The following ISG20L2 variants were observed in gnomAD, a reference collection of about 807,000 sequenced individuals.
ISG20L2 encodes the protein interferon-stimulated 20 kDa exonuclease-like 2.
A neutral mutation model predicts 27.8 loss-of-function variants in ISG20L2; 14 were observed. That is an observed-to-expected ratio of 0.50 (90% confidence interval 0.33 to 0.79). The LOEUF is 0.79. Among genes scored for constraint, ISG20L2 ranks in the 30% least tolerant of loss-of-function variants. The pLI, the probability that ISG20L2 is intolerant of heterozygous loss-of-function variation, is 0.02. For missense variants in ISG20L2, 393 were observed against 435.1 expected, an observed-to-expected ratio of 0.90 and a Z score of 0.86; for synonymous variants, 157 against 165.7, an observed-to-expected ratio of 0.95 and a Z score of 0.40.
intron 2 of ISG20L2, chr1:156,725,080 T>G (rs1057107233): frequency 3.3e-5 from 5 of 152,150 alleles, no homozygotes; most frequent in African/African-American, 1.2e-4. Context: ...GCCTCCCAAG[T>G]AGCTGGGACT....
In ISG20L2 at chr1:156,723,319, C is replaced by T; in HGVS notation, c.*30G>A. ...TGTTTCTCCTGGGTGCTGCCTCTGC[C>T]TCCTCATATCACCAGCGTCCCCACT... On this transcript the variant is annotated 3_prime_UTR_variant, in exon 4 of 4. Transcript: ENST00000368219. The T allele has an allele frequency of 1.2e-6, 2 of 1,613,698 alleles. No individual in the cohort carries two copies. Among genetic ancestry groups the T allele is most frequent in the South Asian group, 1.1e-5 (1 of 91,062 alleles).
intron 2 of ISG20L2, 102 bp from the exon 3 acceptor site, chr1:156,724,450 A>G (rs1648671023): frequency 7.2e-7 from 1 of 1,391,182 alleles, no homozygotes; most frequent in Non-Finnish European, 9.6e-7. Flanking sequence ...GGATTCTTTC[A>G]CCAACTGCCT....
At chr1:156,728,321 G>T in intron 1 of ISG20L2, 94 bp downstream of exon 1, 2 of 985,728 alleles carry the variant, frequency 2.0e-6, no homozygotes, top group South Asian at 9.4e-5. Context: ...ATCTACCAGC[G>T]CGGGGGTGGG....
In ISG20L2 at chr1:156,727,276, A is replaced by C. The variant is rs1404907168; in HGVS notation, c.377T>G (p.Leu126Arg). The change falls in exon 2 of 4, where the codon CTT becomes CGT. Residue 126 changes from leucine to arginine, a missense_variant. Around this residue, in one of 3 missense-constraint regions of ISG20L2, gnomAD observed 183 missense variants for 168.2 expected, o/e 1.09. Transcript: ENST00000368219. ...GGTTGGGTGGCTATTGATCTTTGGA[A>C]GGGCACTCTGGAACTCCCCCAGCAA... ...VDLLGEFQSALPKINSHPTRS... is the reference protein window; with the variant it reads ...VDLLGEFQSARPKINSHPTRS... The C allele has an allele frequency of 2.5e-6, 4 of 1,613,970 alleles. No individual in the cohort carries two copies. Among genetic ancestry groups the C allele is most frequent in the Non-Finnish European group, 3.4e-6 (4 of 1,180,014 alleles).
Position 156,727,070 on chromosome 1 carries a change from C to A in ISG20L2, c.583G>T (p.Val195Phe). 1 of 1,614,228 alleles carries A rather than the reference C, an allele frequency of 6.2e-7. No homozygotes were observed. Among genetic ancestry groups the A allele is most frequent in the Non-Finnish European group, 8.5e-7 (1 of 1,180,040 alleles). The part of the protein sequence containing the change: ...EMVGTGPKGH[V>F]SSLARCSIVN... Reference sequence around the variant, plus strand: ...ATGCTACATCGAGCCAAGGAACTAACATGCCCCTTTGGTCCTGTGCCCACC... The same window carrying A: ...ATGCTACATCGAGCCAAGGAACTAAAATGCCCCTTTGGTCCTGTGCCCACC... The change falls in exon 2 of 4, where the codon GTT (valine) becomes TTT (phenylalanine). Residue 195 changes from valine to phenylalanine, a missense_variant. By Grantham distance (50) the Val-to-Phe change is conservative. Coordinates refer to ENST00000368219, the MANE Select transcript of ISG20L2 (RefSeq NM_001370150.2).
chr1:156,723,870 C>G, intron 3 of ISG20L2: 1 of 1,289,220 alleles, frequency 7.8e-7, no homozygotes, highest in Non-Finnish European at 9.9e-7. Context: ...GTCCTTGCAT[C>G]CACTACACGG....
At chr1:156,723,661 T>C (rs1002490381) in intron 3 of ISG20L2, 199 bp from the exon 4 acceptor site, 4 of 985,302 alleles carry the variant, frequency 4.1e-6, no homozygotes, top group Non-Finnish European at 4.8e-6. Context: ...TCTTTGCCAC[T>C]GTCTACCTCA....
rs759669515 is a variant in ISG20L2 at position 156,724,189 on chromosome 1, G to A, written c.907C>T (p.Leu303=). The A allele has an allele frequency of 5.6e-6, 9 of 1,613,922 alleles. No individual in the cohort carries two copies. In the East Asian group the frequency reaches 1.8e-4, roughly 32 times the overall value. ...ADCPENATMS[L]KHLTKKLLNR... is the part of the protein sequence containing the mutation. The stretch of plus-strand genomic sequence containing the variant: ...AGCAGCTTCTTGGTGAGATGCTTCA[G>A]AGACATGGTGGCATTCTCCGGGCAG... The change falls in exon 3 of 4, where the codon CTG becomes TTG. Residue 303 remains leucine, a synonymous_variant. Coordinates refer to ENST00000368219, the MANE Select transcript of ISG20L2 (RefSeq NM_001370150.2).
rs533467276 is a variant in ISG20L2 at position 156,725,989 on chromosome 1, C to G, written c.747+917G>C. The G allele has an allele frequency of 5.4e-5, 53 of 985,524 alleles. No homozygotes were observed. In the African/African-American group the frequency reaches 8.9e-4, roughly 17 times the overall value. 61.0% of individuals were successfully genotyped at this position (985,524 alleles called of 1,614,324 possible). A position where few individuals can be genotyped will look rare whatever the true frequency, so the allele number is the denominator to read the frequency against. ...GCGCCCTCTGGCGGCCTCCTGAGACCAGCAGGTCTCTTGCTCTCCCTTCAC... is the reference window on the plus strand; with the variant it reads ...GCGCCCTCTGGCGGCCTCCTGAGACGAGCAGGTCTCTTGCTCTCCCTTCAC... On this transcript the variant is annotated intron_variant, in intron 2 of 3. Coordinates refer to ENST00000368219, the MANE Select transcript of ISG20L2 (RefSeq NM_001370150.2).
rs1348768793 is a variant in ISG20L2 at position 156,728,651 on chromosome 1, C to T, written c.-354G>A. On this transcript the variant is annotated 5_prime_UTR_variant, in exon 1 of 4. Coordinates refer to ENST00000368219, the MANE Select transcript of ISG20L2 (RefSeq NM_001370150.2). ...GTGGGGGCGGGGGCGGGATGCGCTCCCCGGCCCCTCTAGCCCCGTGGTGGT... is the reference window on the plus strand; with the variant it reads ...GTGGGGGCGGGGGCGGGATGCGCTCTCCGGCCCCTCTAGCCCCGTGGTGGT... 1.0e-6 allele frequency: 1 copy of T among 985,878 alleles called. No individual in the cohort carries two copies. The highest frequency in any genetic ancestry group is 1.2e-6 in the Non-Finnish European group (1 of 830,178). 61.1% of individuals were successfully genotyped at this position (985,878 alleles called of 1,614,324 possible).
chr1:156,723,478 A>C lies in ISG20L2; in HGVS notation c.949-16T>G, dbSNP rs1296155952. On this transcript the variant is annotated splice_polypyrimidine_tract_variant and intron_variant, in intron 3 of 3. Coordinates refer to ENST00000368219, the MANE Select transcript of ISG20L2 (RefSeq NM_001370150.2). Reference sequence around the variant, plus strand: ...TCTTCCCAACCTGAGCAAGCAAGGAAGACAAGAGCATGAAGAGAAAAGAAA... The same window carrying C: ...TCTTCCCAACCTGAGCAAGCAAGGACGACAAGAGCATGAAGAGAAAAGAAA... The C allele has an allele frequency of 6.2e-7, 1 of 1,614,082 alleles. No individual in the cohort carries two copies. Among genetic ancestry groups the C allele is most frequent in the Non-Finnish European group, 8.5e-7 (1 of 1,180,006 alleles).
chr1:156,726,600 G>A (rs1219572421), intron 2 of ISG20L2: 11 of 871,148 alleles, frequency 1.3e-5, no homozygotes, highest in Non-Finnish European at 1.5e-5. Flanking sequence ...CCCAGACAGG[G>A]CTTGAGTTCC....
At position 156,722,790 on chromosome 1, in the gene ISG20L2, G is replaced by C. The variant is rs1280763248; in HGVS notation, c.*559C>G. The C allele has an allele frequency of 6.6e-6, 1 of 151,788 alleles. No homozygotes were observed. The highest frequency in any genetic ancestry group is 1.5e-5 in the Non-Finnish European group (1 of 68,208). The allele number at this position is 151,788 out of a possible 1,614,324, so 9.4% of individuals were successfully genotyped here. ...CCACACATTTTTTGTATTTTTAGTA[G>C]AGAACGGGAATTCGCCATGTTGGCC... On this transcript the variant is annotated 3_prime_UTR_variant, in exon 4 of 4. Transcript: ENST00000368219.
rs766439888 is a variant in ISG20L2 at position 156,727,234 on chromosome 1, CTCT to C, written c.416_418del (p.Lys139del). 2 of 1,614,038 alleles carry C rather than the reference CTCT, an allele frequency of 1.2e-6. No individual in the cohort carries two copies. The highest frequency in any genetic ancestry group is 1.1e-5 in the South Asian group (1 of 91,088). ...CTTTTTAGAGGATTTCTTCTGGGAG[CTCT>C]TCTTCTGAGAGCGGGTTGGGTGGCT... On this transcript the variant is annotated inframe_deletion, in exon 2 of 4. Transcript: ENST00000368219.
chr1:156,727,473 C>T lies in ISG20L2; in HGVS notation c.180G>A (p.Lys60=). 6.2e-7 allele frequency: 1 copy of T among 1,613,968 alleles called. No individual in the cohort carries two copies. Among genetic ancestry groups the T allele is most frequent in the Non-Finnish European group, 8.5e-7 (1 of 1,179,968 alleles). ...CATCGACCGTAGGAGTTTCCCCTTTCTTTGAAGGTTCAGAGTGCAACTTAG... is the reference window on the plus strand; with the variant it reads ...CATCGACCGTAGGAGTTTCCCCTTTTTTTGAAGGTTCAGAGTGCAACTTAG... ...KAPKLHSEPS[K]KGETPTVDGT... Residue 60 remains lysine, a synonymous_variant, in exon 2 of 4, where the codon AAG becomes AAA. Coordinates refer to ENST00000368219, the MANE Select transcript of ISG20L2 (RefSeq NM_001370150.2).
At chr1:156,728,126 G>A (rs1179973139) in intron 1 of ISG20L2, 26 of 989,742 alleles carry the variant, frequency 2.6e-5, no homozygotes, top group Non-Finnish European at 3.1e-5. Context: ...GAACATCTAG[G>A]TATGCTCAAA....
At chr1:156,724,065 G>A in intron 3 of ISG20L2, 83 bp downstream of exon 3, 1 of 1,310,758 alleles carries the variant, frequency 7.6e-7, no homozygotes, top group South Asian at 1.2e-5. Context: ...TACAACCACA[G>A]GACTTCTGAG....
In ISG20L2 at chr1:156,722,041, A is replaced by C. The variant is rs1474303552; in HGVS notation, c.*1308T>G. 1.3e-5 allele frequency: 2 copies of C among 152,198 alleles called. No homozygotes were observed. The highest frequency in any genetic ancestry group is 2.9e-5 in the Non-Finnish European group (2 of 68,042). The allele number at this position is 152,198 out of a possible 1,614,324, so 9.4% of individuals were successfully genotyped here. A position where few individuals can be genotyped will look rare whatever the true frequency, so the allele number is the denominator to read the frequency against. On this transcript the variant is annotated 3_prime_UTR_variant, in exon 4 of 4. Coordinates refer to ENST00000368219, the MANE Select transcript of ISG20L2 (RefSeq NM_001370150.2). ...GGGGCCTAAATGAAATAAACCCCCT[A>C]TTACCTTAGGAAAGAGACAGCTTTC...
Position 156,723,257 on chromosome 1 carries a change from T to G in ISG20L2, c.*92A>C. ...TCTCCCCAAATCTAGCTTCCAAAGA[T>G]GTGGAGCTGGTGGAGCTGTCCATTG... On this transcript the variant is annotated 3_prime_UTR_variant, in exon 4 of 4. Coordinates refer to ENST00000368219, the MANE Select transcript of ISG20L2 (RefSeq NM_001370150.2). 3 of 1,472,054 alleles carry G rather than the reference T, an allele frequency of 2.0e-6. No homozygotes were observed. 91.2% of individuals were successfully genotyped at this position (1,472,054 alleles called of 1,614,324 possible). A position where few individuals can be genotyped will look rare whatever the true frequency, so the allele number is the denominator to read the frequency against.
Sources: gnomAD v4.1 joint callset for allele counts on GRCh38, gnomAD v4.1.1 for gene constraint, gnomAD v4.1.1 regional missense constraint, MANE v1.5 for transcripts, NCBI Gene and HGNC (gene_info 2026-07-23, HGNC 2026-07-21) for gene names.